Variants in AKR1C3 observed in about 807,000 individuals in gnomAD.
The protein encoded by AKR1C3 is 3-alpha hydroxysteroid dehydrogenase, type II.
A neutral mutation model predicts 43.6 loss-of-function variants in AKR1C3; 48 were observed. That is an observed-to-expected ratio of 1.10 (90% confidence interval 0.87 to 1.40). AKR1C3 has a LOEUF of 1.40. AKR1C3 is among the 40% of genes most tolerant of loss of function. AKR1C3 has a pLI of 0.00. For missense variants in AKR1C3, 482 were observed against 391.2 expected, an observed-to-expected ratio of 1.23 and a Z score of -1.96; for synonymous variants, 162 against 139.6, an observed-to-expected ratio of 1.16 and a Z score of -1.13.
intron 1 of AKR1C3, among the ~76,000 whole-genome samples, chr10:5,084,215 A>C (rs1838906699): frequency 1.3e-5 from 2 of 152,074 alleles, no homozygotes; most frequent in South Asian, 4.1e-4. Context: ...CTTTAGGTCT[A>C]CATGTAAGTC....
intron 1 of AKR1C3, among the ~76,000 whole-genome samples, chr10:5,060,084 C>G (rs1838351010): frequency 1.3e-5 from 2 of 152,094 alleles, no homozygotes; most frequent in Non-Finnish European, 2.9e-5. Context: ...GTTGTTCATT[C>G]CTCCTGGTGG....
At chr10:5,099,803 G>A (rs1839302362) in intron 5 of AKR1C3, 1 of 256,554 alleles carries the variant, frequency 3.9e-6, no homozygotes, top group Non-Finnish European at 7.6e-6. Context: ...AGGGAATGGT[G>A]TATAGATATG....
chr10:5,099,792 G>A (rs1397431696), intron 5 of AKR1C3: 1 of 290,274 alleles, frequency 3.4e-6, no homozygotes, highest in African/African-American at 2.2e-5. Context: ...AGGTGATTTG[G>A]AGGGAATGGT....
chr10:5,074,711 T>C (rs1194986462), intron 1 of AKR1C3, among the ~76,000 whole-genome samples: 1 of 152,146 alleles, frequency 6.6e-6, no homozygotes, highest in African/African-American at 2.4e-5. Flanking sequence ...CTAAATAAGA[T>C]GGCTACAAGA....
chr10:5,077,134 G>C (rs906403031), intron 1 of AKR1C3, among the ~76,000 whole-genome samples: 1 of 151,922 alleles, frequency 6.6e-6, no homozygotes, highest in Admixed American at 6.6e-5. Context: ...TTAGTGATGA[G>C]GTTAATATTC....
chr10:5,060,837 A>C (rs1226499845), intron 1 of AKR1C3, among the ~76,000 whole-genome samples: 1 of 152,162 alleles, frequency 6.6e-6, no homozygotes, highest in Non-Finnish European at 1.5e-5. Flanking sequence ...CCCTGTGGGG[A>C]GACAGCTAAG....
chr10:5,056,745 T>C (rs1479698856), intron 1 of AKR1C3, among the ~76,000 whole-genome samples: 1 of 152,180 alleles, frequency 6.6e-6, no homozygotes, highest in Non-Finnish European at 1.5e-5. Flanking sequence ...TTCATGTAGA[T>C]AATAGCTCCA....
chr10:5,094,588 C>T, intron 1 of AKR1C3, 60 bp downstream of exon 1: 1 of 1,570,492 alleles, frequency 6.4e-7, no homozygotes. Context: ...AGAAGTGAAA[C>T]CCGTATTGGG....
At chr10:5,084,739 C>G (rs1838923038) in intron 1 of AKR1C3, among the ~76,000 whole-genome samples, 1 of 152,080 alleles carries the variant, frequency 6.6e-6, no homozygotes, top group Non-Finnish European at 1.5e-5. Context: ...TCTTTGTATC[C>G]TCTTTTATTT....
In AKR1C3 at chr10:5,103,275, C is replaced by T. The variant is rs111548022; in HGVS notation, c.846+625C>T. Among the ~76,000 whole-genome samples the T allele has an allele frequency of 8.6e-3, 1,302 of 152,188 alleles. 16 individuals carry two copies. Among genetic ancestry groups the T allele is most frequent in the African/African-American group, 0.029 (1,212 of 41,524 alleles). ...GATTTTTCATTTCCATTTCTTCGTACGCTCAGTTAAAATTTCACATATTTA... is the reference window on the plus strand; with the variant it reads ...GATTTTTCATTTCCATTTCTTCGTATGCTCAGTTAAAATTTCACATATTTA... On this transcript the variant is annotated intron_variant, in intron 7 of 8. Coordinates refer to ENST00000380554, the MANE Select transcript of AKR1C3 (RefSeq NM_003739.6).
At chr10:5,059,792 G>A (rs782423495) in intron 1 of AKR1C3, among the ~76,000 whole-genome samples, 2 of 151,852 alleles carry the variant, frequency 1.3e-5, no homozygotes, top group East Asian at 1.9e-4. Flanking sequence ...ACCCCTCGGC[G>A]ATAGTCTCAC....
At position 5,096,445 on chromosome 10, in the gene AKR1C3, A is replaced by G; in HGVS notation, c.120A>G (p.Leu40=). The part of the protein sequence containing the change: ...PRSKALEVTK[L]AIEAGFRHID... ...GTAAAGCTTTGGAGGTCACAAAATT[A>G]GCAATAGAAGCTGGGTTCCGCCATA... The change falls in exon 2 of 9, where the codon TTA becomes TTG. Residue 40 remains leucine (L), a synonymous_variant. Coordinates refer to ENST00000380554, the MANE Select transcript of AKR1C3 (RefSeq NM_003739.6). 6.2e-7 allele frequency: 1 copy of G among 1,613,676 alleles called. No homozygotes were observed. Among genetic ancestry groups the G allele is most frequent in the Non-Finnish European group, 8.5e-7 (1 of 1,179,654 alleles).
At chr10:5,067,221 C>T (rs1208130819) in intron 1 of AKR1C3, among the ~76,000 whole-genome samples, 1 of 152,150 alleles carries the variant, frequency 6.6e-6, no homozygotes, top group Non-Finnish European at 1.5e-5. Context: ...ATCCCTTTTC[C>T]ATTTCTATTG....
At chr10:5,062,211 C>T (rs1482786481) in intron 1 of AKR1C3, among the ~76,000 whole-genome samples, 2 of 152,206 alleles carry the variant, frequency 1.3e-5, no homozygotes, top group Non-Finnish European at 1.5e-5. Flanking sequence ...ACTGTTCTTA[C>T]TCTGGCGGCC....
chr10:5,063,462 T>C (rs1484485406), intron 1 of AKR1C3, among the ~76,000 whole-genome samples: 1 of 151,954 alleles, frequency 6.6e-6, no homozygotes, highest in Non-Finnish European at 1.5e-5. Context: ...TAAAGGTGAA[T>C]ATGAAGGACA....
intron 1 of AKR1C3, among the ~76,000 whole-genome samples, chr10:5,082,884 A>G (rs1010941321): frequency 2.6e-5 from 4 of 152,162 alleles, no homozygotes; most frequent in Admixed American, 6.5e-5. Flanking sequence ...TCTTCTTTCC[A>G]TGTGTGGCAG....
At chr10:5,077,122 G>A (rs2131811829) in intron 1 of AKR1C3, among the ~76,000 whole-genome samples, 1 of 152,088 alleles carries the variant, frequency 6.6e-6, no homozygotes, top group South Asian at 2.1e-4. Context: ...ATTCGTGGTG[G>A]TTTAGTGATG....
intron 1 of AKR1C3, among the ~76,000 whole-genome samples, chr10:5,058,783 G>C (rs565485271): frequency 6.6e-6 from 1 of 152,176 alleles, no homozygotes; most frequent in Admixed American, 6.5e-5. Context: ...GGCTCTTATC[G>C]ACACATTCTC....
At chr10:5,056,458 C>T (rs1406497051) in intron 1 of AKR1C3, among the ~76,000 whole-genome samples, 2 of 152,190 alleles carry the variant, frequency 1.3e-5, no homozygotes, top group Admixed American at 6.5e-5. Context: ...ACTGACCATT[C>T]GGTTTTTGTA....
Sources: gnomAD v4.1 joint callset for allele counts (sites outside exome capture counted in the v4.1 genomes callset) on GRCh38, gnomAD v4.1.1 for gene constraint, MANE v1.5 for transcripts, NCBI Gene and HGNC (gene_info 2026-07-23, HGNC 2026-07-21) for gene names.